Variants in CACNA1B observed in about 807,000 individuals in gnomAD.
CACNA1B encodes the protein voltage-dependent N-type calcium channel subunit alpha-1B.
Under a neutral mutation model 247.2 loss-of-function variants are expected in CACNA1B, and 70 were observed. The observed-to-expected ratio is 0.28, with a 90% CI of 0.23 to 0.35. The LOEUF (loss-of-function observed/expected upper bound fraction) is 0.35. Among genes scored for constraint, CACNA1B ranks in the 10% least tolerant of loss-of-function variants. CACNA1B has a pLI of 1.00. For missense variants in CACNA1B, 2,367 were observed against 3,197.4 expected (o/e 0.74, Z 6.26); for synonymous variants, 1,231 against 1,294.4 (o/e 0.95, Z 1.05).
chr9:137,878,191 A>G lies in CACNA1B; in HGVS notation c.258A>G (p.Lys86=). The G allele has an allele frequency of 2.3e-6, 3 of 1,303,794 alleles. No individual in the cohort carries two copies. The highest frequency in any genetic ancestry group is 2.9e-6 in the Non-Finnish European group (3 of 1,018,248). The allele number at this position is 1,303,794 out of a possible 1,614,324, so 80.8% of individuals were successfully genotyped here. ...FVFSEDNVVR[K]YAKRITEWPP... is the part of the protein sequence containing the mutation. ...TCAGCGAGGACAACGTCGTCCGCAA[A>G]TACGCGAAGCGCATCACCGAGTGGC... The change falls in exon 1 of 47, where the codon AAA becomes AAG. Residue 86 remains lysine (K), a synonymous_variant. Transcript: ENST00000371372.
intron 3 of CACNA1B, among the ~76,000 whole-genome samples, chr9:137,907,699 T>A (rs1957313730): frequency 6.6e-6 from 1 of 152,246 alleles, no homozygotes; most frequent in South Asian, 2.1e-4. Flanking sequence ...CTTTATGCTG[T>A]CTTTTATGGT....
At chr9:138,006,426 G>A (rs1019666943) in intron 15 of CACNA1B, among the ~76,000 whole-genome samples, 3 of 152,148 alleles carry the variant, frequency 2.0e-5, no homozygotes, top group Admixed American at 1.3e-4. Context: ...CGTGGATGGC[G>A]CTGTTTCGTC....
Position 137,971,048 on chromosome 9 carries a change from A to G in CACNA1B, c.1334-335A>G, listed in dbSNP as rs1333212707. On this transcript the variant is annotated intron_variant, in intron 10 of 46. Coordinates refer to ENST00000371372, the MANE Select transcript of CACNA1B (RefSeq NM_000718.4). The surrounding 1 kb of genome is among the most constrained non-coding windows in gnomAD (Gnocchi z 4.4). ...GGGACTAACTCAGATTTATGTCTTC[A>G]GGGGAAAAAGCTTGGGGTGCTCATG... Among the ~76,000 whole-genome samples, 1 of 152,166 alleles carries G rather than the reference A, an allele frequency of 6.6e-6. No homozygotes were observed. Among genetic ancestry groups the G allele is most frequent in the Admixed American group, 6.5e-5 (1 of 15,280 alleles).
chr9:137,994,367 A>G (rs1958471430), intron 15 of CACNA1B, among the ~76,000 whole-genome samples: 1 of 152,238 alleles, frequency 6.6e-6, no homozygotes. Context: ...CAAGAGAAAG[A>G]AAGAAAGGGC....
Position 138,120,353 on chromosome 9 carries a change from G to A in CACNA1B, c.6219G>A (p.Leu2073=). 1.3e-6 allele frequency: 2 copies of A among 1,555,620 alleles called. No individual in the cohort carries two copies. The highest frequency in any genetic ancestry group is 1.7e-6 in the Non-Finnish European group (2 of 1,156,726). The change falls in exon 45 of 47, where the codon CTG becomes CTA. Residue 2073 remains leucine, a synonymous_variant. Transcript: ENST00000371372. ...KQRSLEKGPS[L]SADMDGAPSS... ...GGTCCCTGGAGAAGGGGCCCAGCCT[G>A]TCTGCCGATATGGATGGCGGTGCGT...
chr9:137,964,184 C>T (rs935461616), intron 10 of CACNA1B, among the ~76,000 whole-genome samples: 3 of 152,164 alleles, frequency 2.0e-5, no homozygotes, highest in African/African-American at 7.2e-5. Context: ...ATGATCTTCT[C>T]ATGGAGTATT....
rs140036789 is a variant in CACNA1B at position 138,024,833 on chromosome 9, C to T, written c.3069-122C>T. The T allele has an allele frequency of 2.4e-3, 1,662 of 680,256 alleles. 6 individuals are homozygous for T. Among genetic ancestry groups the T allele is most frequent in the Middle Eastern group, 8.6e-3 (25 of 2,916 alleles). The allele number at this position is 680,256 out of a possible 1,614,324, so 42.1% of individuals were successfully genotyped here. On this transcript the variant is annotated intron_variant, in intron 19 of 46. Coordinates refer to ENST00000371372, the MANE Select transcript of CACNA1B (RefSeq NM_000718.4). Reference sequence around the variant, plus strand: ...AATTTTTGTAGAGATGGGGTTTCGCCATATTCCCCAGGCTGGTCTTGAACT... The same window carrying T: ...AATTTTTGTAGAGATGGGGTTTCGCTATATTCCCCAGGCTGGTCTTGAACT...
In CACNA1B at chr9:137,956,802, T is replaced by A. The variant is rs772371250; in HGVS notation, c.1218T>A (p.Asn406Lys). ...EEVMLAEEDR[N>K]AEEKSPLDVL... ...TCATGCTGGCCGAGGAGGACAGGAA[T>A]GCAGAGGAGAAGTCCCCTTTGGACG... Residue 406 changes from asparagine (N) to lysine (K), a missense_variant, in exon 9 of 47, where the codon AAT (asparagine) becomes AAA (lysine). Physicochemically the swap from Asn to Lys is moderately conservative, Grantham distance 94 (BLOSUM62 0). Around this residue, in one of 12 missense-constraint regions of CACNA1B, gnomAD observed 219 missense variants for 297.6 expected, o/e 0.74. Coordinates refer to ENST00000371372, the MANE Select transcript of CACNA1B (RefSeq NM_000718.4). 6.2e-7 allele frequency: 1 copy of A among 1,613,832 alleles called. No homozygotes were observed. Among genetic ancestry groups the A allele is most frequent in the Non-Finnish European group, 8.5e-7 (1 of 1,179,790 alleles).
intron 6 of CACNA1B, among the ~76,000 whole-genome samples, chr9:137,939,595 C>T (rs1313878730): frequency 2.6e-5 from 4 of 151,548 alleles, no homozygotes; most frequent in Admixed American, 6.6e-5. Context: ...GTCAGGAGAT[C>T]GAGACCATCC....
At chr9:138,043,301 G>A (rs759829843) in intron 20 of CACNA1B, among the ~76,000 whole-genome samples, 4 of 152,180 alleles carry the variant, frequency 2.6e-5, no homozygotes, top group Non-Finnish European at 5.9e-5. Flanking sequence ...ACCCTCTCCT[G>A]GGATCTCGAG....
At chr9:138,029,674 C>T (rs527423794) in intron 20 of CACNA1B, among the ~76,000 whole-genome samples, 45 of 147,920 alleles carry the variant, frequency 3.0e-4, no homozygotes, top group African/African-American at 1.1e-3. Flanking sequence ...GCAGTGGTGC[C>T]ATCTCGGCTC....
intron 15 of CACNA1B, among the ~76,000 whole-genome samples, chr9:137,988,552 C>T (rs986910149): frequency 3.9e-5 from 6 of 152,118 alleles, no homozygotes; most frequent in African/African-American, 1.2e-4. Flanking sequence ...ATGCCCCCTG[C>T]TCTGAACACA....
At chr9:137,944,268 C>A (rs1487399501) in intron 6 of CACNA1B, among the ~76,000 whole-genome samples, 1 of 152,112 alleles carries the variant, frequency 6.6e-6, no homozygotes, top group East Asian at 1.9e-4. Context: ...ATGTCTGGGG[C>A]AGATTGGATT....
chr9:138,046,204 C>T (rs1486955591), intron 21 of CACNA1B, among the ~76,000 whole-genome samples: 1 of 152,186 alleles, frequency 6.6e-6, no homozygotes, highest in Non-Finnish European at 1.5e-5. Context: ...ACCCCTGTGT[C>T]CCCCAGTGTC....
intron 21 of CACNA1B, among the ~76,000 whole-genome samples, chr9:138,046,472 A>G (rs1053139354): frequency 4.6e-5 from 7 of 151,728 alleles, no homozygotes; most frequent in Non-Finnish European, 8.8e-5. Context: ...TCTCTGAGCA[A>G]CTCCCTCCCT....
intron 37 of CACNA1B, chr9:138,101,183 C>G: frequency 1.9e-6 from 1 of 532,068 alleles, no homozygotes; most frequent in Non-Finnish European, 3.9e-6. Flanking sequence ...GAACTGCCCT[C>G]GTAGGTTGGC....
intron 23 of CACNA1B, among the ~76,000 whole-genome samples, 154 bp from the exon 24 acceptor site, chr9:138,049,055 A>G (rs535636596): frequency 2.6e-5 from 4 of 152,146 alleles, no homozygotes; most frequent in African/African-American, 9.6e-5. Flanking sequence ...GGATTTCACC[A>G]TGTTGCCCTG....
chr9:137,997,547 AG>A lies in CACNA1B; in HGVS notation c.1975-9219del, dbSNP rs1958514665. Among the ~76,000 whole-genome samples the A allele has an allele frequency of 2.0e-5, 3 of 152,354 alleles. No individual in the cohort carries two copies. The South Asian group carries it at 6.2e-4, about 32-fold the overall frequency. On this transcript the variant is annotated intron_variant, in intron 15 of 46. Coordinates refer to ENST00000371372, the MANE Select transcript of CACNA1B (RefSeq NM_000718.4). The stretch of plus-strand genomic sequence containing the variant: ...TATGAAAGGACAAAGGATAAAAACA[AG>A]TAACTCACAGGAGAAGAAACTATGA...
intron 36 of CACNA1B, 115 bp downstream of exon 36, chr9:138,078,373 A>G: frequency 9.5e-7 from 1 of 1,057,656 alleles, no homozygotes; most frequent in Non-Finnish European, 1.4e-6. Context: ...TCAGAAGCTG[A>G]GTCCATGCTG....
Sources: gnomAD v4.1 joint callset for allele counts (sites outside exome capture counted in the v4.1 genomes callset) on GRCh38, gnomAD v4.1.1 for gene constraint, gnomAD v4.1.1 regional missense constraint, Gnocchi (gnomAD v3.1) non-coding constraint, MANE v1.5 for transcripts, NCBI Gene and HGNC (gene_info 2026-07-23, HGNC 2026-07-21) for gene names.